The following NPHS1 variants were observed in gnomAD, a reference collection of about 807,000 sequenced individuals.
The protein encoded by NPHS1 is nephrin.
A neutral mutation model predicts 139.7 loss-of-function variants in NPHS1; 107 were observed. That is an observed-to-expected ratio of 0.77 (90% CI 0.66 to 0.90). NPHS1 has a LOEUF of 0.90. NPHS1 is among the 40% of genes least tolerant of loss of function. NPHS1 has a pLI of 0.00. For synonymous variants in NPHS1, 707 were observed against 706.6 expected, an observed-to-expected ratio of 1.00 and a Z score of -0.01; for missense variants, 1,580 against 1,654.2, an observed-to-expected ratio of 0.96 and a Z score of 0.78.
Position 35,845,393 on chromosome 19 carries a change from G to A in NPHS1, c.1905C>T (p.Ser635=), listed in dbSNP as rs386833896. Residue 635 remains serine, a synonymous_variant, in exon 14 of 29, where the codon AGC becomes AGT. Coordinates refer to ENST00000378910, the MANE Select transcript of NPHS1 (RefSeq NM_004646.4). The surrounding 1 kb of genome is among the most constrained non-coding windows in gnomAD (Gnocchi z 5.5). ...AHSAELRETV[S]SFYRLNVLYR... ...ACAGTACGTTGAGGCGATAGAAGGA[G>A]CTCACGGTTTCGCGGAGCTCGGCGC... 1 of 1,614,258 alleles carries A rather than the reference G, an allele frequency of 6.2e-7. No individual in the cohort carries two copies. Among genetic ancestry groups the A allele is most frequent in the Non-Finnish European group, 8.5e-7 (1 of 1,180,046 alleles).
rs368513578 is a variant in NPHS1 at position 35,826,526 on chromosome 19, T to G, written c.3714A>C (p.Gly1238=). 1.9e-6 allele frequency: 3 copies of G among 1,613,590 alleles called. No homozygotes were observed. In the African/African-American group the frequency reaches 4.0e-5, roughly 22 times the overall value. ...EPDSLPFELR[G]HLV ...GTTGAGAGGGCTCTTACACCAGATG[T>G]CCCCTCAGCTCGAAGGGCAGAGAAT... The change falls in exon 29 of 29, where the codon GGA becomes GGC. Residue 1238 remains glycine, a synonymous_variant. Transcript: ENST00000378910.
In NPHS1 at chr19:35,831,768, G is replaced by A; in HGVS notation, c.3167-6C>T. 1.3e-6 allele frequency: 2 copies of A among 1,561,486 alleles called. No individual in the cohort carries two copies. Among genetic ancestry groups the A allele is most frequent in the Non-Finnish European group, 8.7e-7 (1 of 1,154,056 alleles). ...CAGGGGCAGCCCCGAGGGTCCTAGG[G>A]GTGGAAGATACCCCTCAGTGAATCC... is the stretch of plus-strand genomic sequence containing the variant. On this transcript the variant is annotated splice_polypyrimidine_tract_variant and splice_region_variant and intron_variant, in intron 23 of 28. Coordinates refer to ENST00000378910, the MANE Select transcript of NPHS1 (RefSeq NM_004646.4).
rs1468337078 is a variant in NPHS1, at chr19:35,845,727, A to T, written c.1699T>A (p.Cys567Ser). 2 of 1,614,014 alleles carry T rather than the reference A, an allele frequency of 1.2e-6. No homozygotes were observed. Among genetic ancestry groups the T allele is most frequent in the Non-Finnish European group, 1.7e-6 (2 of 1,179,986 alleles). The part of the protein sequence containing the change: ...LRPGDALNLT[C>S]VSVSSNPPVN... Reference sequence around the variant, plus strand: ...GGCGGATTGCTGCTGACGCTGACGCATGTCAAGTTTAAGGCGTCTCCCGGG... The same window carrying T: ...GGCGGATTGCTGCTGACGCTGACGCTTGTCAAGTTTAAGGCGTCTCCCGGG... The change falls in exon 13 of 29, where the codon TGC becomes AGC. Residue 567 changes from cysteine to serine, a missense_variant. By Grantham distance (112) the Cys-to-Ser change is moderately radical. Coordinates refer to ENST00000378910, the MANE Select transcript of NPHS1 (RefSeq NM_004646.4). This position sits in a 1 kb window ranked among gnomAD's most constrained non-coding sequence, Gnocchi z 5.5.
chr19:35,845,961 C>T lies in NPHS1; in HGVS notation c.1627+47G>A. On this transcript the variant is annotated intron_variant, in intron 12 of 28. Coordinates refer to ENST00000378910, the MANE Select transcript of NPHS1 (RefSeq NM_004646.4). The surrounding 1 kb of genome is among the most constrained non-coding windows in gnomAD (Gnocchi z 5.5). ...CGCTGGGTCCCTGCCCCACCTGGCT[C>T]TGTCCCTCCCGCCCCGCCCCCGGGC... is the stretch of plus-strand genomic sequence containing the variant. The T allele has an allele frequency of 2.6e-6, 4 of 1,541,834 alleles. No homozygotes were observed. Among genetic ancestry groups the T allele is most frequent in the Non-Finnish European group, 3.5e-6 (4 of 1,141,346 alleles).
In NPHS1 at chr19:35,831,490, C is replaced by G; in HGVS notation, c.3297G>C (p.Glu1099Asp). 1 of 1,614,040 alleles carries G rather than the reference C, an allele frequency of 6.2e-7. No homozygotes were observed. The highest frequency in any genetic ancestry group is 8.5e-7 in the Non-Finnish European group (1 of 1,180,012). ...TCCCCACTTACCCTGCCTCTGTCTT[C>G]TCTGAGATGCCTGAAGGAAACAGGA... ...RLRRLAEGIS[E>D]KTEAGSEEDR... is the part of the protein sequence containing the mutation. The change falls in exon 25 of 29, where the codon GAG becomes GAC. Residue 1099 changes from glutamate (E) to aspartate (D), a missense_variant. By Grantham distance (45) the Glu-to-Asp change is conservative. Transcript: ENST00000378910.
chr19:35,842,604 C>A, intron 17 of NPHS1, 54 bp from the exon 18 acceptor site: 1 of 1,575,604 alleles, frequency 6.3e-7, no homozygotes, highest in Non-Finnish European at 8.7e-7. Flanking sequence ...AGATCCATCA[C>A]TGCCCAAATT....
At chr19:35,851,210 G>A (rs1973244530) in intron 3 of NPHS1, 52 bp downstream of exon 3, 6 of 1,613,548 alleles carry the variant, frequency 3.7e-6, no homozygotes, top group East Asian at 2.2e-5. Flanking sequence ...TTGCGGGGTA[G>A]GGGAGGGCTT....
At chr19:35,831,903 C>A (rs1046960383) in intron 23 of NPHS1, 141 bp from the exon 24 acceptor site, 6 of 850,198 alleles carry the variant, frequency 7.1e-6, no homozygotes, top group African/African-American at 6.8e-5. Context: ...CTGTGCCCAC[C>A]CTTTCTGCCC....
Position 35,825,509 on chromosome 19 carries a change from T to A in NPHS1, c.*1005A>T, listed in dbSNP as rs1474169981. 2.6e-5 allele frequency among the ~76,000 whole-genome samples: 4 copies of A among 152,178 alleles called. No homozygotes were observed. Among genetic ancestry groups the A allele is most frequent in the African/African-American group, 9.7e-5 (4 of 41,446 alleles). ...CACCACAATCGTTATATAGAATATT[T>A]CCAACACCTCAGAAAGTTCTCCCAT... is the stretch of plus-strand genomic sequence containing the variant. On this transcript the variant is annotated 3_prime_UTR_variant, in exon 29 of 29. Transcript: ENST00000378910.
rs1467411552 is a variant in NPHS1, at chr19:35,850,844, C to T, written c.526+117G>A. 3.7e-6 allele frequency: 5 copies of T among 1,337,700 alleles called. No homozygotes were observed. The African/African-American group carries it at 4.3e-5, about 12-fold the overall frequency. 82.9% of individuals were successfully genotyped at this position (1,337,700 alleles called of 1,614,324 possible). A position where few individuals can be genotyped will look rare whatever the true frequency, so the allele number is the denominator to read the frequency against. ...CTCCCCACACCTTCTCCTGGGTCCC[C>T]ATCCCAGGGATGACATCTTTTCTGG... On this transcript the variant is annotated intron_variant, in intron 4 of 28. Transcript: ENST00000378910.
intron 20 of NPHS1, 58 bp downstream of exon 20, chr19:35,841,657 A>G: frequency 6.3e-7 from 1 of 1,597,634 alleles, no homozygotes; most frequent in East Asian, 2.2e-5. Context: ...CCAATCAGGG[A>G]TGTGGGAATG....
chr19:35,843,242 C>T (rs911318690), intron 17 of NPHS1, among the ~76,000 whole-genome samples: 6 of 152,200 alleles, frequency 3.9e-5, no homozygotes, highest in Non-Finnish European at 7.3e-5. Flanking sequence ...ATCCACTTAC[C>T]TACCTTTTGA....
At chr19:35,844,613 G>C (rs1174088225) in intron 14 of NPHS1, among the ~76,000 whole-genome samples, 154 bp from the exon 15 acceptor site, 1 of 152,222 alleles carries the variant, frequency 6.6e-6, no homozygotes, top group Non-Finnish European at 1.5e-5. Context: ...AAGCTCAGGG[G>C]TAAGGTTCGG....
Position 35,844,387 on chromosome 19 carries a change from A to G in NPHS1, c.2003T>C (p.Val668Ala). The change falls in exon 15 of 29, where the codon GTG (valine) becomes GCG (alanine). Residue 668 changes from valine to alanine, a missense_variant. Coordinates refer to ENST00000378910, the MANE Select transcript of NPHS1 (RefSeq NM_004646.4). Reference protein sequence around the residue: ...AVEQGEALLPVSVSANPAPEA... With the variant: ...AVEQGEALLPASVSANPAPEA... ...GGGGGCGGGGTTAGCGGACACGGACACGGGCAGCAACGCCTCGCCCTGCTC... is the reference window on the plus strand; with the variant it reads ...GGGGGCGGGGTTAGCGGACACGGACGCGGGCAGCAACGCCTCGCCCTGCTC... 2 of 1,612,158 alleles carry G rather than the reference A, an allele frequency of 1.2e-6. No homozygotes were observed. Among genetic ancestry groups the G allele is most frequent in the South Asian group, 1.1e-5 (1 of 90,768 alleles).
chr19:35,839,299 CT>C lies in NPHS1; in HGVS notation c.3046del (p.Ser1016ValfsTer127). On this transcript the variant is annotated frameshift_variant, in exon 22 of 29. Transcript: ENST00000378910. LOFTEE classifies it high-confidence loss of function. ...STRYRVWLLA[S>X]NALGDSGLAD... The stretch of plus-strand genomic sequence containing the variant: ...CAGTCCACTGTCCCCCAAGGCATTA[CT>C]GGCCAGCAGCCAGACCCTGTATCTT... The C allele has an allele frequency of 6.2e-7, 1 of 1,614,218 alleles. No homozygotes were observed. The highest frequency in any genetic ancestry group is 8.5e-7 in the Non-Finnish European group (1 of 1,180,026).
In NPHS1 at chr19:35,851,644, G is replaced by A. The variant is rs544235158; in HGVS notation, c.87C>T (p.Ser29=). The change falls in exon 2 of 29, where the codon TCC becomes TCT. Residue 29 remains serine, a synonymous_variant. Transcript: ENST00000378910. The part of the protein sequence containing the change: ...EGLAQLAIPA[S]VPRGFWALPE... Reference sequence around the variant, plus strand: ...GCAGGGCCCAGAAGCCCCGGGGAACGGAGGCAGGAATCGCCAACTGCGCCA... The same window carrying A: ...GCAGGGCCCAGAAGCCCCGGGGAACAGAGGCAGGAATCGCCAACTGCGCCA... 82 of 1,613,770 alleles carry A rather than the reference G, an allele frequency of 5.1e-5. 1 individual carries two copies. Among genetic ancestry groups the A allele is most frequent in the South Asian group, 5.1e-4 (46 of 90,972 alleles).
Position 35,842,626 on chromosome 19 carries a change from A to G in NPHS1, c.2335-76T>C. 16 of 1,458,698 alleles carry G rather than the reference A, an allele frequency of 1.1e-5. No homozygotes were observed. In the South Asian group the frequency reaches 1.8e-4, roughly 17 times the overall value. The allele number at this position is 1,458,698 out of a possible 1,614,324, so 90.4% of individuals were successfully genotyped here. A position where few individuals can be genotyped will look rare whatever the true frequency, so the allele number is the denominator to read the frequency against. Reference sequence around the variant, plus strand: ...TCACTGCCCAAATTGTCCCTTCTGTAGCCTCATTCTCCTAGCCACAATCAC... The same window carrying G: ...TCACTGCCCAAATTGTCCCTTCTGTGGCCTCATTCTCCTAGCCACAATCAC... On this transcript the variant is annotated intron_variant, in intron 17 of 28. Transcript: ENST00000378910.
At chr19:35,839,669 C>CT (rs1299156288) in intron 20 of NPHS1, 62 bp from the exon 21 acceptor site, 5 of 1,315,668 alleles carry the variant, frequency 3.8e-6, no homozygotes, top group Non-Finnish European at 5.5e-6. Context: ...AGATTCTGTC[C>CT]AGGTTTTCCC....
chr19:35,833,880 T>C (rs1972917273), intron 23 of NPHS1, among the ~76,000 whole-genome samples: 1 of 151,932 alleles, frequency 6.6e-6, no homozygotes, highest in African/African-American at 2.4e-5. Flanking sequence ...TTGTTTTTGT[T>C]TTATAGAGAT....
Sources: gnomAD v4.1 joint callset for allele counts (sites outside exome capture counted in the v4.1 genomes callset) on GRCh38, gnomAD v4.1.1 for gene constraint, Gnocchi (gnomAD v3.1) non-coding constraint, MANE v1.5 for transcripts, NCBI Gene and HGNC (gene_info 2026-07-23, HGNC 2026-07-21) for gene names.